FHIP1A: variants seen among roughly 807,000 people sequenced by gnomAD.
FHIP1A encodes the protein FHF complex subunit HOOK-interacting protein 1A.
FHIP1A carries 61 observed loss-of-function variants against 88.6 expected under a neutral mutation model. The ratio of observed to expected loss-of-function variants is 0.69; its 90% CI spans 0.56 to 0.85. FHIP1A has a LOEUF of 0.85. FHIP1A is among the 40% of genes least tolerant of loss of function. The pLI, the probability that FHIP1A is intolerant of heterozygous loss-of-function variation, is 0.00. For synonymous variants in FHIP1A, 478 were observed against 496.0 expected, an observed-to-expected ratio of 0.96 and a Z score of 0.48; for missense variants, 1,154 against 1,273.5, an observed-to-expected ratio of 0.91 and a Z score of 1.43.
chr4:151,616,461 T>C (rs1172049487), intron 7 of FHIP1A, among the ~76,000 whole-genome samples: 1 of 146,414 alleles, frequency 6.8e-6, no homozygotes, highest in Non-Finnish European at 1.5e-5. Flanking sequence ...TTTTTTTTTT[T>C]TTTTTGAGAC....
intron 3 of FHIP1A, among the ~76,000 whole-genome samples, chr4:151,547,074 C>T (rs1363644425): frequency 6.6e-6 from 1 of 152,154 alleles, no homozygotes; most frequent in African/African-American, 2.4e-5. Flanking sequence ...TACTGCTACT[C>T]GGAAACCAGG....
At chr4:151,496,108 C>T (rs182805682) in intron 3 of FHIP1A, among the ~76,000 whole-genome samples, 781 of 151,924 alleles carry the variant, frequency 5.1e-3, no homozygotes, top group Admixed American at 0.01. Flanking sequence ...CATATATATC[C>T]TATAGGATTT....
At position 151,656,544 on chromosome 4, in the gene FHIP1A, A is replaced by G; in HGVS notation, c.2730+134A>G. ...TTTGCTTTCCTTCCCTGTCCTATTA[A>G]GCTCACTGTGTAGTTTATTCTAGAC... On this transcript the variant is annotated intron_variant, in intron 12 of 13. Transcript: ENST00000435205. This position sits in a 1 kb window ranked among gnomAD's most constrained non-coding sequence, Gnocchi z 4.2. The G allele has an allele frequency of 9.6e-7, 1 of 1,045,080 alleles. No homozygotes were observed. The highest frequency in any genetic ancestry group is 1.4e-6 in the Non-Finnish European group (1 of 727,890). The allele number at this position is 1,045,080 out of a possible 1,614,324, so 64.7% of individuals were successfully genotyped here. A position where few individuals can be genotyped will look rare whatever the true frequency, so the allele number is the denominator to read the frequency against.
chr4:151,644,443 C>G (rs557290398), intron 9 of FHIP1A, among the ~76,000 whole-genome samples: 1 of 152,140 alleles, frequency 6.6e-6, no homozygotes, highest in African/African-American at 2.4e-5. Flanking sequence ...CCTCTATGTC[C>G]TGGGCTCAAG....
chr4:151,487,767 G>A (rs779082950), intron 3 of FHIP1A, among the ~76,000 whole-genome samples: 2 of 152,158 alleles, frequency 1.3e-5, no homozygotes, highest in Non-Finnish European at 2.9e-5. Context: ...TAAGGAAACC[G>A]AACCACATAG....
chr4:151,481,434 T>C (rs1729890230), intron 2 of FHIP1A, among the ~76,000 whole-genome samples: 1 of 152,044 alleles, frequency 6.6e-6, no homozygotes, highest in Non-Finnish European at 1.5e-5. Context: ...ATTATGTGGT[T>C]GTGGCAAATT....
At chr4:151,629,972 T>C in intron 8 of FHIP1A, 103 bp downstream of exon 8, 1 of 996,780 alleles carries the variant, frequency 1.0e-6, no homozygotes, top group South Asian at 1.8e-5. Flanking sequence ...GCTCTCCTTT[T>C]TTTTTCTTTT....
At chr4:151,590,387 A>G (rs757446020) in intron 7 of FHIP1A, among the ~76,000 whole-genome samples, 11 of 152,370 alleles carry the variant, frequency 7.2e-5, no homozygotes, top group Non-Finnish European at 1.6e-4. Flanking sequence ...TTAGTGTTAC[A>G]GACATTAGTG....
In FHIP1A at chr4:151,578,030, A is replaced by C. The variant is rs1312076902; in HGVS notation, c.686A>C (p.Asn229Thr). ...LLFIMSLSAE[N>T]TMVAHHIVEN... ...TTCATCATGTCTCTTTCTGCTGAGAACACCATGGTGGCCCATCACATCGTG... is the reference window on the plus strand; with the variant it reads ...TTCATCATGTCTCTTTCTGCTGAGACCACCATGGTGGCCCATCACATCGTG... Residue 229 changes from asparagine to threonine, a missense_variant, in exon 5 of 14, where the codon AAC becomes ACC. Physicochemically the swap from Asn to Thr is moderately conservative, Grantham distance 65. Coordinates refer to ENST00000435205, the MANE Select transcript of FHIP1A (RefSeq NM_001109977.3). The C allele has an allele frequency of 6.5e-7, 1 of 1,550,374 alleles. No individual in the cohort carries two copies. Among genetic ancestry groups the C allele is most frequent in the South Asian group, 1.2e-5 (1 of 83,978 alleles).
chr4:151,552,730 C>T (rs1469588016), intron 3 of FHIP1A, among the ~76,000 whole-genome samples: 3 of 150,146 alleles, frequency 2.0e-5, no homozygotes, highest in South Asian at 4.2e-4. Flanking sequence ...ATGTAAATGA[C>T]GAATTAATGG....
chr4:151,482,804 C>T (rs990247198), intron 3 of FHIP1A, among the ~76,000 whole-genome samples, 156 bp downstream of exon 3: 1 of 151,830 alleles, frequency 6.6e-6, no homozygotes, highest in Non-Finnish European at 1.5e-5. Context: ...GTACTCTATC[C>T]TCTATGTGAA....
At chr4:151,421,566 G>A (rs1424139009) in intron 1 of FHIP1A, among the ~76,000 whole-genome samples, 1 of 151,740 alleles carries the variant, frequency 6.6e-6, no homozygotes, top group Non-Finnish European at 1.5e-5. Flanking sequence ...GTGATATTTG[G>A]TAGTCTTGGC....
chr4:151,503,238 C>A (rs1730714077), intron 3 of FHIP1A, among the ~76,000 whole-genome samples: 1 of 152,138 alleles, frequency 6.6e-6, no homozygotes, highest in Non-Finnish European at 1.5e-5. Flanking sequence ...GAGAACTTGG[C>A]ATGAATGGCA....
intron 11 of FHIP1A, among the ~76,000 whole-genome samples, chr4:151,651,028 GA>G (rs1737011995): frequency 6.6e-6 from 1 of 152,198 alleles, no homozygotes; most frequent in Non-Finnish European, 1.5e-5. Flanking sequence ...AGCACTGGAA[GA>G]GTGAACAGAG....
chr4:151,646,663 C>G lies in FHIP1A; in HGVS notation c.1332C>G (p.Val444=). Reference sequence around the variant, plus strand: ...CCAAGCTTCTCGCCTTGACTCCTGTCTGCTGCTCCAGCGGGATCACTCTGA... The same window carrying G: ...CCAAGCTTCTCGCCTTGACTCCTGTGTGCTGCTCCAGCGGGATCACTCTGA... The part of the protein sequence containing the change: ...SAAKLLALTP[V]CCSSGITLTL... Residue 444 remains valine (V), a synonymous_variant, in exon 10 of 14, where the codon GTC becomes GTG. Coordinates refer to ENST00000435205, the MANE Select transcript of FHIP1A (RefSeq NM_001109977.3). 3 of 1,551,592 alleles carry G rather than the reference C, an allele frequency of 1.9e-6. No individual in the cohort carries two copies. In the African/African-American group the frequency reaches 4.1e-5, roughly 21 times the overall value.
At chr4:151,535,090 C>T (rs1426970844) in intron 3 of FHIP1A, among the ~76,000 whole-genome samples, 1 of 152,078 alleles carries the variant, frequency 6.6e-6, no homozygotes, top group Non-Finnish European at 1.5e-5. Flanking sequence ...TGGTGCACAC[C>T]TGTAGTACCA....
rs139928197 is a variant in FHIP1A at position 151,596,007 on chromosome 4, C to T, written c.978+7081C>T. On this transcript the variant is annotated intron_variant, in intron 7 of 13. Transcript: ENST00000435205. ...CAAGTCTGTGTCTTTTAATTGGGAG[C>T]ATTTAGCCCATTTACATTTAAGGTT... 9.5e-3 allele frequency among the ~76,000 whole-genome samples: 1,442 copies of T among 152,282 alleles called. 19 individuals are homozygous for T. Among genetic ancestry groups the T allele is most frequent in the African/African-American group, 0.033 (1,351 of 41,538 alleles).
At chr4:151,469,145 TA>T in intron 2 of FHIP1A, among the ~76,000 whole-genome samples, 1 of 152,228 alleles carries the variant, frequency 6.6e-6, no homozygotes, top group Non-Finnish European at 1.5e-5. Context: ...TGCTTTTGGA[TA>T]ATAGTTTTAA....
intron 2 of FHIP1A, among the ~76,000 whole-genome samples, chr4:151,467,101 A>C (rs1580600139): frequency 6.6e-6 from 1 of 152,358 alleles, no homozygotes; most frequent in Admixed American, 6.5e-5. Context: ...TCTAATATTC[A>C]GAATCTAAAA....
Sources: allele counts gnomAD v4.1 joint callset (sites outside exome capture counted in the v4.1 genomes callset), GRCh38; gene constraint gnomAD v4.1.1; non-coding constraint Gnocchi (gnomAD v3.1); transcripts MANE v1.5; gene names NCBI Gene and HGNC (gene_info 2026-07-23, HGNC 2026-07-21).